SMAP2: variants seen among roughly 807,000 people sequenced by gnomAD.
SMAP2 encodes stromal membrane-associated protein 2.
A neutral mutation model predicts 56.4 loss-of-function variants in SMAP2; 25 were observed. That is an observed-to-expected ratio of 0.44 (90% CI 0.32 to 0.62). SMAP2 has a LOEUF of 0.62. SMAP2 is among the 20% of genes least tolerant of loss of function. SMAP2 has a pLI of 0.04. For missense variants in SMAP2, 388 were observed against 545.6 expected (o/e 0.71, Z 2.88); for synonymous variants, 157 against 181.7 (o/e 0.86, Z 1.09).
intron 2 of SMAP2, among the ~76,000 whole-genome samples, chr1:40,362,969 A>T (rs1644465789): frequency 6.6e-6 from 1 of 152,060 alleles, no homozygotes; most frequent in African/African-American, 2.4e-5. Flanking sequence ...ATGTGTTAGA[A>T]CTCACTAAGA....
chr1:40,347,612 C>G (rs1444464385), intron 1 of SMAP2, among the ~76,000 whole-genome samples: 1 of 151,598 alleles, frequency 6.6e-6, no homozygotes, highest in Non-Finnish European at 1.5e-5. Flanking sequence ...AAGTGATTCC[C>G]CTGGCTCAGC....
chr1:40,393,608 C>T, intron 1 of SMAP2: 1 of 1,118,646 alleles, frequency 8.9e-7, no homozygotes, highest in Non-Finnish European at 1.2e-6. Flanking sequence ...TACAGTGGCT[C>T]AATCTTGGCT....
intron 9 of SMAP2, among the ~76,000 whole-genome samples, chr1:40,417,545 C>T (rs1645001896): frequency 6.6e-6 from 1 of 152,132 alleles, no homozygotes; most frequent in Admixed American, 6.5e-5. Flanking sequence ...AATAATACCA[C>T]AGATAAAGTA....
At chr1:40,390,347 C>T (rs1644704145) in intron 1 of SMAP2, among the ~76,000 whole-genome samples, 1 of 152,206 alleles carries the variant, frequency 6.6e-6, no homozygotes, top group African/African-American at 2.4e-5. Context: ...AGGAAAGCTG[C>T]TGTGCTGAGT....
chr1:40,389,730 T>C lies in SMAP2; in HGVS notation c.103+15507T>C, dbSNP rs188474569. Among the ~76,000 whole-genome samples the C allele has an allele frequency of 2.0e-3, 311 of 152,342 alleles. 3 individuals carry two copies. The highest frequency in any genetic ancestry group is 7.0e-3 in the African/African-American group (291 of 41,570). On this transcript the variant is annotated intron_variant, in intron 1 of 9. Coordinates refer to ENST00000372718, the MANE Select transcript of SMAP2 (RefSeq NM_022733.3). ...TAGCATGAAGTGTGAAACAGGAGGCTGAAATAGCAGTCCTTTAGCCCTTTT... is the reference window on the plus strand; with the variant it reads ...TAGCATGAAGTGTGAAACAGGAGGCCGAAATAGCAGTCCTTTAGCCCTTTT...
At chr1:40,407,517 T>G (rs1364612467) in intron 2 of SMAP2, among the ~76,000 whole-genome samples, 1 of 152,038 alleles carries the variant, frequency 6.6e-6, no homozygotes, top group Non-Finnish European at 1.5e-5. Context: ...AAAATTCACT[T>G]TTTAAAAAAA....
At chr1:40,353,666 G>A (rs908740745) in intron 1 of SMAP2, among the ~76,000 whole-genome samples, 6 of 152,160 alleles carry the variant, frequency 3.9e-5, no homozygotes, top group Non-Finnish European at 8.8e-5. Context: ...ACATGGCCCA[G>A]AAGGCTTCTT....
chr1:40,399,733 G>GAA (rs571926905), intron 1 of SMAP2, among the ~76,000 whole-genome samples: 1 of 149,692 alleles, frequency 6.7e-6, no homozygotes, highest in African/African-American at 2.5e-5. Context: ...AAGAAAGAGT[G>GAA]AAAAAAAGAG....
In SMAP2 at chr1:40,422,203, G is replaced by A. The variant is rs1645050587; in HGVS notation, c.*102G>A. The A allele has an allele frequency of 2.0e-6, 3 of 1,491,054 alleles. No individual in the cohort carries two copies. The highest frequency in any genetic ancestry group is 4.9e-5 in the East Asian group (2 of 41,024). The allele number at this position is 1,491,054 out of a possible 1,614,324, so 92.4% of individuals were successfully genotyped here. A position where few individuals can be genotyped will look rare whatever the true frequency, so the allele number is the denominator to read the frequency against. The stretch of plus-strand genomic sequence containing the variant: ...ATCCTCTTTTCCTACCTCTCTGTTT[G>A]GTTTAGAAATTGCTCAATAAGTCAT... On this transcript the variant is annotated 3_prime_UTR_variant, in exon 10 of 10. Coordinates refer to ENST00000372718, the MANE Select transcript of SMAP2 (RefSeq NM_022733.3).
intron 1 of SMAP2, among the ~76,000 whole-genome samples, chr1:40,380,438 T>G (rs1644585903): frequency 6.6e-6 from 1 of 152,216 alleles, no homozygotes; most frequent in African/African-American, 2.4e-5. Context: ...TACATTTGTT[T>G]TCTGTTGATA....
At chr1:40,377,910 A>G (rs762431456) in intron 1 of SMAP2, among the ~76,000 whole-genome samples, 1 of 152,204 alleles carries the variant, frequency 6.6e-6, no homozygotes, top group Non-Finnish European at 1.5e-5. Context: ...CAGATGCTCA[A>G]GTCCCTGATA....
intron 2 of SMAP2, chr1:40,364,789 G>A (rs1416039484): frequency 6.6e-6 from 1 of 151,936 alleles, no homozygotes; most frequent in Non-Finnish European, 1.5e-5. Flanking sequence ...CCTCCACAGG[G>A]ACATCAAGGT....
chr1:40,347,505 T>C (rs984490368), intron 1 of SMAP2, among the ~76,000 whole-genome samples: 10 of 152,060 alleles, frequency 6.6e-5, no homozygotes, highest in Admixed American at 2.0e-4. Flanking sequence ...TTTTTGCTAT[T>C]GTTTGTTTGT....
chr1:40,415,662 T>G (rs926668643), intron 7 of SMAP2, among the ~76,000 whole-genome samples: 10 of 152,218 alleles, frequency 6.6e-5, no homozygotes, highest in African/African-American at 2.4e-4. Flanking sequence ...CGGCCTGAGT[T>G]ACTGCCAGAA....
intron 1 of SMAP2, among the ~76,000 whole-genome samples, chr1:40,389,882 T>G (rs769321231): frequency 1.3e-5 from 2 of 152,078 alleles, no homozygotes; most frequent in Non-Finnish European, 2.9e-5. Context: ...CTTGGGCTCT[T>G]TTGAAATTGT....
chr1:40,353,310 G>A (rs1480081397), intron 1 of SMAP2, among the ~76,000 whole-genome samples: 3 of 152,196 alleles, frequency 2.0e-5, no homozygotes, highest in Admixed American at 2.0e-4. Context: ...TGACCATGAG[G>A]TGATTTACAT....
At position 40,385,307 on chromosome 1, in the gene SMAP2, T is replaced by C. The variant is rs1430591950; in HGVS notation, c.103+11084T>C. The stretch of plus-strand genomic sequence containing the variant: ...ACAAATTTTGTTGACCATAGCCCTC[T>C]TTTCCCCTCAGTTCATAGATTTCCT... On this transcript the variant is annotated intron_variant, in intron 1 of 9. Coordinates refer to ENST00000372718, the MANE Select transcript of SMAP2 (RefSeq NM_022733.3). This position sits in a 1 kb window ranked among gnomAD's most constrained non-coding sequence, Gnocchi z 4.5. 6.6e-6 allele frequency among the ~76,000 whole-genome samples: 1 copy of C among 152,204 alleles called. No individual in the cohort carries two copies. Among genetic ancestry groups the C allele is most frequent in the East Asian group, 1.9e-4 (1 of 5,206 alleles).
intron 3 of SMAP2, among the ~76,000 whole-genome samples, chr1:40,409,406 C>T (rs368562239): frequency 1.3e-5 from 2 of 152,124 alleles, no homozygotes; most frequent in African/African-American, 4.8e-5. Flanking sequence ...CACTTACGTG[C>T]CTTTGTTTGA....
intron 1 of SMAP2, among the ~76,000 whole-genome samples, chr1:40,397,065 C>G (rs929975803): frequency 3.3e-5 from 5 of 152,184 alleles, no homozygotes; most frequent in Admixed American, 2.0e-4. Flanking sequence ...AACCAGTTTT[C>G]AGTGCCTGGT....
Sources: allele counts gnomAD v4.1 joint callset (sites outside exome capture counted in the v4.1 genomes callset), GRCh38; gene constraint gnomAD v4.1.1; non-coding constraint Gnocchi (gnomAD v3.1); transcripts MANE v1.5; gene names NCBI Gene and HGNC (gene_info 2026-07-23, HGNC 2026-07-21).